Variants in NCOA2 observed in about 807,000 individuals in gnomAD.
The protein encoded by NCOA2 is class E basic helix-loop-helix protein 75.
Under a neutral mutation model 145.1 loss-of-function variants are expected in NCOA2, and 21 were observed. The ratio of observed to expected loss-of-function variants is 0.14; its 90% CI spans 0.10 to 0.21. The LOEUF is 0.21. Ranked by LOEUF, NCOA2 falls within the 10% of genes least tolerant of loss-of-function variation. The pLI is 1.00. For synonymous variants in NCOA2, 619 were observed against 637.5 expected, an observed-to-expected ratio of 0.97 and a Z score of 0.44; for missense variants, 1,472 against 1,837.6, an observed-to-expected ratio of 0.80 and a Z score of 3.64.
intron 2 of NCOA2, among the ~76,000 whole-genome samples, chr8:70,272,420 C>G (rs1311014807): frequency 6.6e-6 from 1 of 152,232 alleles, no homozygotes; most frequent in Non-Finnish European, 1.5e-5. Context: ...CTCCTCTACT[C>G]TTCCCTTAAT....
chr8:70,414,225 C>A, the NCOA2 span, among the ~76,000 whole-genome samples: 1 of 152,188 alleles, frequency 6.6e-6, no homozygotes, highest in Non-Finnish European at 1.5e-5. Context: ...GGTCAACTAA[C>A]CACCGTCTAA....
chr8:70,326,748 T>G (rs922631695), intron 1 of NCOA2, among the ~76,000 whole-genome samples: 2 of 152,206 alleles, frequency 1.3e-5, no homozygotes, highest in Non-Finnish European at 2.9e-5. Flanking sequence ...TAACTCAATA[T>G]TCATGATCAT....
At chr8:70,233,599 G>A (rs1821337315) in intron 2 of NCOA2, among the ~76,000 whole-genome samples, 1 of 152,094 alleles carries the variant, frequency 6.6e-6, no homozygotes, top group Non-Finnish European at 1.5e-5. Flanking sequence ...CCAACCTACA[G>A]CAATTTGGGC....
chr8:70,162,609 G>A, intron 9 of NCOA2, 102 bp downstream of exon 9: 1 of 1,260,060 alleles, frequency 7.9e-7, no homozygotes, highest in South Asian at 1.6e-5. Flanking sequence ...CAGCTCACGA[G>A]AACAGTCACC....
chr8:70,333,600 T>G (rs983443656), intron 1 of NCOA2, among the ~76,000 whole-genome samples: 2 of 152,188 alleles, frequency 1.3e-5, no homozygotes, highest in East Asian at 1.9e-4. Flanking sequence ...GAATTTGCCA[T>G]TTATCAAGGC....
intron 2 of NCOA2, among the ~76,000 whole-genome samples, chr8:70,217,039 A>G (rs1289264701): frequency 6.6e-6 from 1 of 152,230 alleles, no homozygotes; most frequent in Non-Finnish European, 1.5e-5. Flanking sequence ...GTATTTCAAC[A>G]GCACCATGAA....
At chr8:70,350,136 A>G (rs1438533277) in intron 1 of NCOA2, among the ~76,000 whole-genome samples, 2 of 152,188 alleles carry the variant, frequency 1.3e-5, no homozygotes, top group Non-Finnish European at 2.9e-5. Flanking sequence ...ATGATTTTGA[A>G]TAATGGCAAG....
intron 4 of NCOA2, among the ~76,000 whole-genome samples, chr8:70,201,328 A>G (rs958031392): frequency 2.0e-5 from 3 of 152,178 alleles, no homozygotes; most frequent in African/African-American, 7.2e-5. Context: ...ACATGCTGAT[A>G]AACACACCTC....
intron 1 of NCOA2, among the ~76,000 whole-genome samples, chr8:70,376,524 AGTT>A (rs1022511824): frequency 2.0e-5 from 3 of 152,210 alleles, no homozygotes; most frequent in African/African-American, 7.2e-5. Flanking sequence ...AGGACACACT[AGTT>A]GATTGTGACC....
At chr8:70,454,989 C>T in the NCOA2 span, among the ~76,000 whole-genome samples, 1 of 152,196 alleles carries the variant, frequency 6.6e-6, no homozygotes, top group Non-Finnish European at 1.5e-5. Flanking sequence ...GTACTACATA[C>T]ATTCGAGCAA....
At chr8:70,380,762 G>A (rs77703265) in intron 1 of NCOA2, among the ~76,000 whole-genome samples, 6,897 of 151,668 alleles carry the variant, frequency 0.045, 260 homozygotes, top group East Asian at 0.16. Flanking sequence ...TATACCACAC[G>A]AAATTTTCTT....
Position 70,214,506 on chromosome 8 carries a change from A to G in NCOA2, c.87-431T>C, listed in dbSNP as rs35015684. Among the ~76,000 whole-genome samples the G allele has an allele frequency of 9.3e-3, 1,419 of 152,382 alleles. 5 individuals are homozygous for G. The highest frequency in any genetic ancestry group is 0.014 in the Non-Finnish European group (975 of 68,040). On this transcript the variant is annotated intron_variant, in intron 3 of 22. Transcript: ENST00000452400. The stretch of plus-strand genomic sequence containing the variant: ...CAGTTAATAACAGGAATAAATTTCA[A>G]TAATTTTTGGTAAAACATAAAAAAT...
intron 4 of NCOA2, among the ~76,000 whole-genome samples, chr8:70,199,751 AC>A (rs1817696427): frequency 6.6e-6 from 1 of 152,228 alleles, no homozygotes; most frequent in South Asian, 2.1e-4. Flanking sequence ...GTCCCAGGCC[AC>A]ATCCTGCCAT....
chr8:70,422,151 C>T, the NCOA2 span, among the ~76,000 whole-genome samples: 3 of 151,794 alleles, frequency 2.0e-5, no homozygotes, highest in South Asian at 2.1e-4. Context: ...AGAAAAGATG[C>T]TATGTGTCCT....
At position 70,144,692 on chromosome 8, in the gene NCOA2, C is replaced by A. The variant is rs1333233039; in HGVS notation, c.2762G>T (p.Gly921Val). The change falls in exon 13 of 23, where the codon GGT becomes GTT. Residue 921 changes from glycine (G) to valine (V), a missense_variant. Physicochemically the swap from Gly to Val is moderately radical, Grantham distance 109 (BLOSUM62 -3). Transcript: ENST00000452400. ...YSVIPQPGMM[G>V]NQGMIGNQGN... ...TTGGTTTCCTATCATCCCTTGATTACCCATCATTCCTGGCTGAGGTATCAC... is the reference window on the plus strand; with the variant it reads ...TTGGTTTCCTATCATCCCTTGATTAACCATCATTCCTGGCTGAGGTATCAC... 6.2e-7 allele frequency: 1 copy of A among 1,613,964 alleles called. No homozygotes were observed. The highest frequency in any genetic ancestry group is 8.5e-7 in the Non-Finnish European group (1 of 1,179,864).
chr8:70,159,242 A>ATATATATATAT lies in NCOA2; in HGVS notation c.1124+262_1124+263insATATATATATA. ...TAACATTATATATATATATATATAT[A>ATATATATATAT]TTTTTTTTTTTTTCCCCCAAATATT... On this transcript the variant is annotated intron_variant, in intron 10 of 22. Transcript: ENST00000452400. 3.7e-3 allele frequency among the ~76,000 whole-genome samples: 227 copies of ATATATATATAT among 61,060 alleles called. 9 individuals are homozygous for ATATATATATAT. The highest frequency in any genetic ancestry group is 0.011 in the African/African-American group (211 of 18,482). 40.1% of individuals were successfully genotyped at this position (61,060 alleles called of 152,430 possible).
chr8:70,389,321 C>T (rs1233428280), intron 1 of NCOA2, among the ~76,000 whole-genome samples: 1 of 151,980 alleles, frequency 6.6e-6, no homozygotes, highest in African/African-American at 2.4e-5. Context: ...GCTCTTATTG[C>T]CCAGACTGGA....
chr8:70,157,819 C>T (rs1363199473), intron 10 of NCOA2, among the ~76,000 whole-genome samples: 1 of 152,252 alleles, frequency 6.6e-6, no homozygotes, highest in African/African-American at 2.4e-5. Context: ...AACAGATTTC[C>T]ACTCATCTCC....
chr8:70,177,578 G>A (rs757709642), intron 4 of NCOA2, among the ~76,000 whole-genome samples: 59 of 152,106 alleles, frequency 3.9e-4, no homozygotes, highest in Non-Finnish European at 6.8e-4. Context: ...TAGAATAGGT[G>A]GACAGGGTCA....
Sources: gnomAD v4.1 joint callset for allele counts (sites outside exome capture counted in the v4.1 genomes callset) on GRCh38, gnomAD v4.1.1 for gene constraint, MANE v1.5 for transcripts, NCBI Gene and HGNC (gene_info 2026-07-23, HGNC 2026-07-21) for gene names.